The following EMX1 variants were observed in gnomAD, a reference collection of about 807,000 sequenced individuals.
EMX1 encodes homeobox protein EMX1.
In EMX1, 10 loss-of-function variants were observed where a neutral mutation model predicts 20.1. The observed-to-expected ratio is 0.50, with a 90% CI of 0.31 to 0.84. The LOEUF is 0.84. Ranked by LOEUF, EMX1 falls within the 40% of genes least tolerant of loss-of-function variation. The pLI is 0.05. For missense variants in EMX1, 424 were observed against 431.9 expected, an observed-to-expected ratio of 0.98 and a Z score of 0.16; for synonymous variants, 250 against 200.4, an observed-to-expected ratio of 1.25 and a Z score of -2.09.
Position 72,925,491 on chromosome 2 carries a change from G to T in EMX1, c.705+998G>T, listed in dbSNP as rs773840313. 5.4e-6 allele frequency: 7 copies of T among 1,289,028 alleles called. No homozygotes were observed. The South Asian group carries it at 8.6e-5, about 16-fold the overall frequency. The allele number at this position is 1,289,028 out of a possible 1,614,324, so 79.8% of individuals were successfully genotyped here. The stretch of plus-strand genomic sequence containing the variant: ...GACCCTCAGCCTAGCTGCTGCCCTG[G>T]AGGTGGATTTCAGTCTCTGCGTGCC... On this transcript the variant is annotated intron_variant, in intron 2 of 2. Coordinates refer to ENST00000258106, the MANE Select transcript of EMX1 (RefSeq NM_004097.3).
Position 72,918,172 on chromosome 2 carries a change from C to G in EMX1, c.320C>G (p.Ala107Gly), listed in dbSNP as rs1209229633. 2 of 1,514,780 alleles carry G rather than the reference C, an allele frequency of 1.3e-6. No individual in the cohort carries two copies. The highest frequency in any genetic ancestry group is 2.5e-5 in the South Asian group (2 of 80,284). The allele number at this position is 1,514,780 out of a possible 1,614,324, so 93.8% of individuals were successfully genotyped here. A position where few individuals can be genotyped will look rare whatever the true frequency, so the allele number is the denominator to read the frequency against. The change falls in exon 1 of 3, where the codon GCG becomes GGG. Residue 107 changes from alanine (A) to glycine (G), a missense_variant. Around this residue, in one of 2 missense-constraint regions of EMX1, gnomAD observed 333 missense variants for 296.6 expected, o/e 1.12. Coordinates refer to ENST00000258106, the MANE Select transcript of EMX1 (RefSeq NM_004097.3). The part of the protein sequence containing the change: ...SGFPAAAAAG[A>G]GRSLYGGPEL... ...TTCCCTGCCGCGGCCGCCGCGGGCG[C>G]GGGCCGCTCGCTCTACGGTGGGCCC... is the stretch of plus-strand genomic sequence containing the variant.
In EMX1 at chr2:72,918,032, C is replaced by T; in HGVS notation, c.180C>T (p.Gly60=). The T allele has an allele frequency of 1.4e-6, 2 of 1,419,848 alleles. No homozygotes were observed. The highest frequency in any genetic ancestry group is 1.8e-6 in the Non-Finnish European group (2 of 1,096,440). The allele number at this position is 1,419,848 out of a possible 1,614,324, so 88.0% of individuals were successfully genotyped here. Residue 60 remains glycine, a synonymous_variant, in exon 1 of 3, where the codon GGC becomes GGT. Transcript: ENST00000258106. ...ACGGCGGCACCGGCGGGGGCACTGG[C>T]GGCGGGGGCGCGGGCTCCCATCTCC... ...AKDGGTGGGT[G]GGGAGSHLLA...
chr2:72,920,999 G>T (rs1316091196), intron 1 of EMX1, among the ~76,000 whole-genome samples: 1 of 152,160 alleles, frequency 6.6e-6, no homozygotes, highest in Non-Finnish European at 1.5e-5. Flanking sequence ...TATCTCCGCC[G>T]CCTGTCCTGC....
intron 2 of EMX1, chr2:72,925,760 C>T (rs934283415): frequency 1.4e-5 from 14 of 985,454 alleles, no homozygotes; most frequent in Non-Finnish European, 1.6e-5. Flanking sequence ...CAGCTTTCTT[C>T]GGCGGACCTT....
rs1230240497 is a variant in EMX1 at position 72,930,900 on chromosome 2, C to A, written c.706-2887C>A. On this transcript the variant is annotated intron_variant, in intron 2 of 2. Transcript: ENST00000258106. This position sits in a 1 kb window ranked among gnomAD's most constrained non-coding sequence, Gnocchi z 4.4. ...CATCACCCACACTTTAGGTATATTT[C>A]CTTCTAGTCTTTTTTCCCCGTGTGT... Among the ~76,000 whole-genome samples, 2 of 152,192 alleles carry A rather than the reference C, an allele frequency of 1.3e-5. No homozygotes were observed. Among genetic ancestry groups the A allele is most frequent in the Non-Finnish European group, 2.9e-5 (2 of 68,018 alleles).
intron 1 of EMX1, chr2:72,923,952 T>A: frequency 2.6e-6 from 1 of 385,640 alleles, no homozygotes; most frequent in South Asian, 3.0e-5. Flanking sequence ...CGCCATGGAC[T>A]TTTCTTCCCC....
chr2:72,916,783 A>G (rs1294530159), upstream of EMX1: 2 of 717,330 alleles, frequency 2.8e-6, no homozygotes, highest in Non-Finnish European at 5.2e-6. Flanking sequence ...AGAGCCTCAG[A>G]GAAGGCGAGG....
chr2:72,916,279 C>T (rs987832643), upstream of EMX1: 3 of 210,166 alleles, frequency 1.4e-5, no homozygotes, highest in Admixed American at 1.6e-4. Flanking sequence ...GGCGCACGGA[C>T]CCCGTGGCCT....
chr2:72,920,114 C>T (rs1160879095), intron 1 of EMX1, among the ~76,000 whole-genome samples: 2 of 152,228 alleles, frequency 1.3e-5, no homozygotes, highest in Admixed American at 6.5e-5. Context: ...TCCTGGGCCG[C>T]ACCCTCGGCT....
intron 2 of EMX1, among the ~76,000 whole-genome samples, chr2:72,929,987 G>T (rs1380094007): frequency 3.3e-5 from 5 of 152,132 alleles, no homozygotes; most frequent in Admixed American, 2.6e-4. Flanking sequence ...TTACCATGTG[G>T]AATATTAAAA....
chr2:72,916,230 G>A (rs973537479), upstream of EMX1: 39 of 162,972 alleles, frequency 2.4e-4, no homozygotes, highest in Admixed American at 1.9e-3. Context: ...CAGGCGGGCC[G>A]CTGCCAAGAC....
At position 72,924,479 on chromosome 2, in the gene EMX1, C is replaced by G. The variant is rs1475277058; in HGVS notation, c.691C>G (p.Leu231Val). Residue 231 changes from leucine to valine, a missense_variant, in exon 2 of 3, where the codon CTC becomes GTC. Leu to Val is a conservative substitution (Grantham distance 32). Around this residue, in one of 2 missense-constraint regions of EMX1, gnomAD observed 91 missense variants for 135.2 expected, o/e 0.67. Transcript: ENST00000258106. ...GAAGCAGCTGGCCGGCAGTCTCAGC[C>G]TCTCCGAGACGCAGGTAATCACCCC... Reference protein sequence around the residue: ...ERKQLAGSLSLSETQVKVWFQ... With the variant: ...ERKQLAGSLSVSETQVKVWFQ... The G allele has an allele frequency of 6.3e-7, 1 of 1,588,670 alleles. No individual in the cohort carries two copies. Among genetic ancestry groups the G allele is most frequent in the Non-Finnish European group, 8.5e-7 (1 of 1,171,754 alleles).
chr2:72,924,319 GC>G lies in EMX1; in HGVS notation c.535del (p.Gln179ArgfsTer58). ...FGHRFQASDV[P>X]QDGLLLHGPF... ...GCGGCGGGGCCGCAGCCAGCGACGT[GC>G]CCCAGGACGGGCTGCTTCTGCACGG... On this transcript the variant is annotated frameshift_variant, in exon 2 of 3. Transcript: ENST00000258106. LOFTEE classifies it high-confidence loss of function. 1 of 1,568,840 alleles carries G rather than the reference GC, an allele frequency of 6.4e-7. No individual in the cohort carries two copies. Among genetic ancestry groups the G allele is most frequent in the Admixed American group, 1.9e-5 (1 of 53,388 alleles).
At position 72,917,818 on chromosome 2, in the gene EMX1, C is replaced by G; in HGVS notation, c.-35C>G. On this transcript the variant is annotated 5_prime_UTR_variant, in exon 1 of 3. Transcript: ENST00000258106. ...CCCGCGGGGGCCGAGCGCGAGCGGGCGGGCGGGGGAGGTGAGGGGTGCGGG... is the reference window on the plus strand; with the variant it reads ...CCCGCGGGGGCCGAGCGCGAGCGGGGGGGCGGGGGAGGTGAGGGGTGCGGG... 1 of 1,282,336 alleles carries G rather than the reference C, an allele frequency of 7.8e-7. No individual in the cohort carries two copies. Among genetic ancestry groups the G allele is most frequent in the Non-Finnish European group, 9.8e-7 (1 of 1,018,636 alleles). The allele number at this position is 1,282,336 out of a possible 1,614,324, so 79.4% of individuals were successfully genotyped here. A position where few individuals can be genotyped will look rare whatever the true frequency, so the allele number is the denominator to read the frequency against.
Position 72,924,322 on chromosome 2 carries a change from C to T in EMX1, c.534C>T (p.Pro178=). Residue 178 remains proline, a synonymous_variant, in exon 2 of 3, where the codon CCC becomes CCT. Coordinates refer to ENST00000258106, the MANE Select transcript of EMX1 (RefSeq NM_004097.3). ...GCGGGGCCGCAGCCAGCGACGTGCCCCAGGACGGGCTGCTTCTGCACGGCC... is the reference window on the plus strand; with the variant it reads ...GCGGGGCCGCAGCCAGCGACGTGCCTCAGGACGGGCTGCTTCTGCACGGCC... ...FGHRFQASDV[P]QDGLLLHGPF... is the part of the protein sequence containing the mutation. 6.4e-7 allele frequency: 1 copy of T among 1,570,558 alleles called. No homozygotes were observed. Among genetic ancestry groups the T allele is most frequent in the Admixed American group, 1.9e-5 (1 of 53,642 alleles).
chr2:72,919,179 C>CCCCA (rs1559057463), intron 1 of EMX1, among the ~76,000 whole-genome samples: 1 of 91,642 alleles, frequency 1.1e-5, no homozygotes. Context: ...TCCACTGGCC[C>CCCCA]TACACACACA....
intron 1 of EMX1, among the ~76,000 whole-genome samples, chr2:72,922,885 T>C (rs1026294336): frequency 6.6e-6 from 1 of 152,252 alleles, no homozygotes; most frequent in South Asian, 2.1e-4. Context: ...GTCCAACCAG[T>C]AGCCATCTCT....
At chr2:72,929,823 T>C (rs1445652480) in intron 2 of EMX1, among the ~76,000 whole-genome samples, 1 of 152,246 alleles carries the variant, frequency 6.6e-6, no homozygotes, top group Non-Finnish European at 1.5e-5. Context: ...CTTCATTTAT[T>C]AATGCATACA....
At chr2:72,920,730 G>T (rs1405621391) in intron 1 of EMX1, among the ~76,000 whole-genome samples, 1 of 152,270 alleles carries the variant, frequency 6.6e-6, no homozygotes, top group Non-Finnish European at 1.5e-5. Context: ...TAACCGAGGC[G>T]CTGGAAGGGG....
Sources: allele counts gnomAD v4.1 joint callset (sites outside exome capture counted in the v4.1 genomes callset), GRCh38; gene constraint gnomAD v4.1.1; regional missense constraint gnomAD v4.1.1; non-coding constraint Gnocchi (gnomAD v3.1); transcripts MANE v1.5; gene names NCBI Gene and HGNC (gene_info 2026-07-23, HGNC 2026-07-21).